IGF2BP3: variants seen among roughly 807,000 people sequenced by gnomAD.
The protein encoded by IGF2BP3 is insulin-like growth factor 2 mRNA-binding protein 3.
Under a neutral mutation model 73.8 loss-of-function variants are expected in IGF2BP3, and 9 were observed. The ratio of observed to expected loss-of-function variants is 0.12; its 90% CI spans 0.07 to 0.21. The LOEUF is 0.21. IGF2BP3 is among the 10% of genes least tolerant of loss of function. The probability of loss-of-function intolerance (pLI) is 1.00; values close to 1 mark genes in which losing one functional copy is unlikely to be tolerated. For missense variants in IGF2BP3, 542 were observed against 714.0 expected (o/e 0.76, Z 2.75); for synonymous variants, 258 against 256.7 (o/e 1.01, Z -0.05).
chr7:23,423,693 A>G (rs1787415707), intron 2 of IGF2BP3, among the ~76,000 whole-genome samples: 2 of 152,194 alleles, frequency 1.3e-5, no homozygotes, highest in Admixed American at 1.3e-4. Context: ...ACCACTATCC[A>G]GAAACTAACA....
intron 2 of IGF2BP3, among the ~76,000 whole-genome samples, chr7:23,430,150 C>G (rs1227967454): frequency 6.7e-6 from 1 of 148,890 alleles, no homozygotes; most frequent in East Asian, 2.0e-4. Context: ...GTGGCACGAT[C>G]TCGGCTCACT....
chr7:23,450,016 T>C (rs1372603072), intron 2 of IGF2BP3, among the ~76,000 whole-genome samples: 1 of 152,242 alleles, frequency 6.6e-6, no homozygotes, highest in Non-Finnish European at 1.5e-5. Context: ...TGCTGTGTTG[T>C]ATTTGCACTG....
chr7:23,363,024 G>C lies in IGF2BP3; in HGVS notation c.286-1283C>G, dbSNP rs115787374. Among the ~76,000 whole-genome samples, 954 of 151,866 alleles carry C rather than the reference G, an allele frequency of 6.3e-3. 14 individuals are homozygous for C. Among genetic ancestry groups the C allele is most frequent in the African/African-American group, 0.022 (913 of 41,430 alleles). On this transcript the variant is annotated intron_variant, in intron 3 of 14. Coordinates refer to ENST00000258729, the MANE Select transcript of IGF2BP3 (RefSeq NM_006547.3). The stretch of plus-strand genomic sequence containing the variant: ...CCTGCCCTGGCCTCCCAAAGTGCCA[G>C]GATTACAGACGTGAGCCACTTAGCC...
intron 10 of IGF2BP3, among the ~76,000 whole-genome samples, chr7:23,335,351 C>G (rs528701092): frequency 2.0e-5 from 3 of 151,686 alleles, no homozygotes; most frequent in Non-Finnish European, 2.9e-5. Flanking sequence ...GGCTCAATCA[C>G]GGATCACTGC....
intron 3 of IGF2BP3, among the ~76,000 whole-genome samples, chr7:23,370,168 C>T (rs918829062): frequency 1.4e-4 from 21 of 152,180 alleles, no homozygotes; most frequent in African/African-American, 5.1e-4. Context: ...AAGTACCTCT[C>T]TCGTCATCTC....
At chr7:23,360,506 T>C (rs1000731018) in intron 5 of IGF2BP3, among the ~76,000 whole-genome samples, 1 of 152,248 alleles carries the variant, frequency 6.6e-6, no homozygotes, top group Non-Finnish European at 1.5e-5. Context: ...GGAGGAAGAT[T>C]TGTACTATGT....
intron 4 of IGF2BP3, 30 bp from the exon 5 acceptor site, chr7:23,361,627 A>C: frequency 6.2e-7 from 1 of 1,613,398 alleles, no homozygotes; most frequent in Non-Finnish European, 8.5e-7. Flanking sequence ...AAGAGAATAA[A>C]AGTTAGTTTT....
At chr7:23,420,835 C>T (rs1248168126) in intron 2 of IGF2BP3, among the ~76,000 whole-genome samples, 1 of 151,992 alleles carries the variant, frequency 6.6e-6, no homozygotes, top group Non-Finnish European at 1.5e-5. Context: ...TAAAATATAC[C>T]AAAGAAATAA....
chr7:23,411,121 T>C (rs143600054), intron 3 of IGF2BP3, among the ~76,000 whole-genome samples: 39 of 152,350 alleles, frequency 2.6e-4, no homozygotes, highest in African/African-American at 4.6e-4. Flanking sequence ...CTGTCTGCTA[T>C]AAAGGCAACC....
intron 10 of IGF2BP3, among the ~76,000 whole-genome samples, chr7:23,338,060 C>G (rs1030736768): frequency 1.3e-5 from 2 of 152,014 alleles, no homozygotes; most frequent in Non-Finnish European, 2.9e-5. Context: ...CAAACCTAAT[C>G]CTGATACATG....
intron 2 of IGF2BP3, among the ~76,000 whole-genome samples, chr7:23,420,329 C>G (rs1431746494): frequency 6.6e-6 from 1 of 151,792 alleles, no homozygotes; most frequent in East Asian, 1.9e-4. Flanking sequence ...TTTTTTTAAA[C>G]TAGCTGGGCA....
At chr7:23,385,439 G>A (rs929395593) in intron 3 of IGF2BP3, among the ~76,000 whole-genome samples, 2 of 152,174 alleles carry the variant, frequency 1.3e-5, no homozygotes, top group East Asian at 3.9e-4. Context: ...ATTAGTATGA[G>A]ACATAGCCTG....
chr7:23,425,617 T>C (rs1787485879), intron 2 of IGF2BP3, among the ~76,000 whole-genome samples: 1 of 152,100 alleles, frequency 6.6e-6, no homozygotes, highest in Non-Finnish European at 1.5e-5. Flanking sequence ...CAAGCAATCC[T>C]CCTGCCTTGG....
intron 2 of IGF2BP3, among the ~76,000 whole-genome samples, chr7:23,457,871 T>G (rs1329937584): frequency 6.6e-6 from 1 of 152,214 alleles, no homozygotes; most frequent in Non-Finnish European, 1.5e-5. Flanking sequence ...TGTTTAATAT[T>G]TATACAATCT....
chr7:23,355,223 T>A (rs1785063767), intron 5 of IGF2BP3, among the ~76,000 whole-genome samples: 1 of 131,240 alleles, frequency 7.6e-6, no homozygotes, highest in African/African-American at 3.6e-5. Flanking sequence ...CTTTTTATTT[T>A]TATTTTTTTT....
Position 23,311,804 on chromosome 7 carries a change from T to A in IGF2BP3, c.*558A>T, listed in dbSNP as rs1389341843. On this transcript the variant is annotated 3_prime_UTR_variant, in exon 15 of 15. Transcript: ENST00000258729. ...TGTATTACTGAATACCTGAGGTAGT[T>A]GAGTAAAAATGCACGTTTAATACCC... 6.5e-6 allele frequency: 1 copy of A among 152,704 alleles called. No individual in the cohort carries two copies. Among genetic ancestry groups the A allele is most frequent in the Non-Finnish European group, 1.5e-5 (1 of 68,100 alleles). 9.5% of individuals were successfully genotyped at this position (152,704 alleles called of 1,614,324 possible).
chr7:23,386,688 CTACTTAAG>C (rs1178770725), intron 3 of IGF2BP3, among the ~76,000 whole-genome samples: 1 of 152,168 alleles, frequency 6.6e-6, no homozygotes, highest in Non-Finnish European at 1.5e-5. Flanking sequence ...TAATTCTCCA[CTACTTAAG>C]TACGGGTTGT....
chr7:23,424,393 G>A (rs1787440111), intron 2 of IGF2BP3, among the ~76,000 whole-genome samples: 1 of 151,898 alleles, frequency 6.6e-6, no homozygotes, highest in African/African-American at 2.4e-5. Flanking sequence ...AGCTACTCGG[G>A]AGGCTGAGGC....
At chr7:23,342,699 A>G (rs574019730) in intron 9 of IGF2BP3, among the ~76,000 whole-genome samples, 2 of 152,202 alleles carry the variant, frequency 1.3e-5, no homozygotes, top group Admixed American at 6.5e-5. Context: ...GCAAGTAAAC[A>G]TATCACTGGA....
Sources: gnomAD v4.1 joint callset for allele counts (sites outside exome capture counted in the v4.1 genomes callset) on GRCh38, gnomAD v4.1.1 for gene constraint, MANE v1.5 for transcripts, NCBI Gene and HGNC (gene_info 2026-07-23, HGNC 2026-07-21) for gene names.